The following RGS14 variants were observed in gnomAD, a reference collection of about 807,000 sequenced individuals.
RGS14 encodes the protein regulator of G protein signaling 14, also known as regulator of G-protein signaling 14.
Under a neutral mutation model 63.8 loss-of-function variants are expected in RGS14, and 33 were observed. That is an observed-to-expected ratio of 0.52 (90% CI 0.39 to 0.69). The LOEUF is 0.69. RGS14 is among the 30% of genes least tolerant of loss of function. RGS14 has a pLI of 0.00. For synonymous variants in RGS14, 296 were observed against 320.9 expected (o/e 0.92, Z 0.83); for missense variants, 739 against 742.9 (o/e 0.99, Z 0.06).
At chr5:177,361,668 G>A (rs1761968883) in intron 1 of RGS14, among the ~76,000 whole-genome samples, 1 of 152,144 alleles carries the variant, frequency 6.6e-6, no homozygotes, top group South Asian at 2.1e-4. Flanking sequence ...AAAGATGGAG[G>A]GAGGACATGA....
chr5:177,367,166 G>A, intron 5 of RGS14, 132 bp downstream of exon 5: 2 of 1,267,538 alleles, frequency 1.6e-6, no homozygotes, highest in Non-Finnish European at 2.2e-6. Context: ...CCAAATGCCG[G>A]GGCAGGCAGG....
In RGS14 at chr5:177,358,235, C is replaced by G. The variant is rs566934912; in HGVS notation, c.45+166C>G. 1.3e-5 allele frequency among the ~76,000 whole-genome samples: 2 copies of G among 152,358 alleles called. No homozygotes were observed. Among genetic ancestry groups the G allele is most frequent in the African/African-American group, 4.8e-5 (2 of 41,588 alleles). On this transcript the variant is annotated intron_variant, in intron 1 of 14. Coordinates refer to ENST00000408923, the MANE Select transcript of RGS14 (RefSeq NM_006480.5). The surrounding 1 kb of genome is among the most constrained non-coding windows in gnomAD (Gnocchi z 4.8). Reference sequence around the variant, plus strand: ...GTGGTAGGACCTGGTGCTCTCACCCCTAGACCCTTCCAGATGGCCCAGCCG... The same window carrying G: ...GTGGTAGGACCTGGTGCTCTCACCCGTAGACCCTTCCAGATGGCCCAGCCG...
chr5:177,358,876 C>A lies in RGS14; in HGVS notation c.45+807C>A, dbSNP rs1351382863. ...GTCCTGGCCCACCACCAGGCCCCAG[C>A]CTAGTATCACGGGCCAAAGCCAGTG... On this transcript the variant is annotated intron_variant, in intron 1 of 14. Transcript: ENST00000408923. The surrounding 1 kb of genome is among the most constrained non-coding windows in gnomAD (Gnocchi z 4.8). Among the ~76,000 whole-genome samples the A allele has an allele frequency of 6.6e-6, 1 of 152,228 alleles. No individual in the cohort carries two copies. Among genetic ancestry groups the A allele is most frequent in the Non-Finnish European group, 1.5e-5 (1 of 68,038 alleles).
At chr5:177,365,394 G>A (rs1345924967) in intron 1 of RGS14, among the ~76,000 whole-genome samples, 2 of 151,658 alleles carry the variant, frequency 1.3e-5, no homozygotes, top group African/African-American at 4.8e-5. Context: ...GTAGAGACTG[G>A]GTTTCACCAT....
In RGS14 at chr5:177,371,912, C is replaced by G; in HGVS notation, c.1538C>G (p.Ala513Gly). The G allele has an allele frequency of 6.2e-7, 1 of 1,613,920 alleles. No individual in the cohort carries two copies. Among genetic ancestry groups the G allele is most frequent in the Non-Finnish European group, 8.5e-7 (1 of 1,179,976 alleles). ...ELLNRVQSSG[A>G]HDQRGLLRKE... ...CTGAACCGGGTGCAGAGCAGCGGGG[C>G]CCACGACCAGAGGGGCCTTCTGAGG... Residue 513 changes from alanine to glycine, a missense_variant, in exon 15 of 15, where the codon GCC becomes GGC. Physicochemically the swap from Ala to Gly is moderately conservative, Grantham distance 60. Transcript: ENST00000408923. This position sits in a 1 kb window ranked among gnomAD's most constrained non-coding sequence, Gnocchi z 6.1.
At position 177,366,359 on chromosome 5, in the gene RGS14, A is replaced by AG; in HGVS notation, c.246+5dup. On this transcript the variant is annotated splice_donor_region_variant and intron_variant, in intron 3 of 14. Coordinates refer to ENST00000408923, the MANE Select transcript of RGS14 (RefSeq NM_006480.5). Reference sequence around the variant, plus strand: ...GCTGGGCCTGGCTTACTTCACTGTAAGCCTGGGGTAGGGAAAGGGAAGGGG... The same window carrying AG: ...GCTGGGCCTGGCTTACTTCACTGTAAGGCCTGGGGTAGGGAAAGGGAAGGGG... 2 of 1,538,304 alleles carry AG rather than the reference A, an allele frequency of 1.3e-6. No individual in the cohort carries two copies. Among genetic ancestry groups the AG allele is most frequent in the Non-Finnish European group, 1.8e-6 (2 of 1,139,678 alleles).
chr5:177,367,825 G>T lies in RGS14; in HGVS notation c.739G>T (p.Glu247Ter). Residue 247 changes from glutamate to a stop codon, truncating the protein, a stop_gained and splice_region_variant, in exon 7 of 15, where the codon GAG (glutamate) becomes TAG (stop). Coordinates refer to ENST00000408923, the MANE Select transcript of RGS14 (RefSeq NM_006480.5). LOFTEE classifies it high-confidence loss of function. ...CCCTCTCCGCAAGTCCTTCCGCCGGGGTGAGGGCAGGAGCGAGCAACAGAG... is the reference window on the plus strand; with the variant it reads ...CCCTCTCCGCAAGTCCTTCCGCCGGTGTGAGGGCAGGAGCGAGCAACAGAG... ...GRPLRKSFRR[E>*]LGGTANAALR... The T allele has an allele frequency of 1.3e-6, 2 of 1,588,114 alleles. No individual in the cohort carries two copies. Among genetic ancestry groups the T allele is most frequent in the Non-Finnish European group, 8.6e-7 (1 of 1,167,374 alleles).
chr5:177,367,446 G>C lies in RGS14; in HGVS notation c.516G>C (p.Ala172=). The C allele has an allele frequency of 6.2e-7, 1 of 1,611,526 alleles. No individual in the cohort carries two copies. The highest frequency in any genetic ancestry group is 8.5e-7 in the Non-Finnish European group (1 of 1,178,902). ...ACTTGATGAAGTTCGACAGCTATGCGCGCTTCGTCAAGTCCCCGCTGTACC... is the reference window on the plus strand; with the variant it reads ...ACTTGATGAAGTTCGACAGCTATGCCCGCTTCGTCAAGTCCCCGCTGTACC... ...IFNLMKFDSY[A]RFVKSPLYRE... Residue 172 remains alanine (A), a synonymous_variant, in exon 6 of 15, where the codon GCG becomes GCC. Transcript: ENST00000408923.
At chr5:177,360,676 G>A (rs1430702146) in intron 1 of RGS14, among the ~76,000 whole-genome samples, 2 of 151,944 alleles carry the variant, frequency 1.3e-5, no homozygotes, top group African/African-American at 2.4e-5. Flanking sequence ...CACTTTAGGA[G>A]GCCGAGGCGG....
chr5:177,370,869 C>CCAAA, intron 10 of RGS14, 36 bp from the exon 11 acceptor site: 1 of 1,560,030 alleles, frequency 6.4e-7, no homozygotes, highest in Non-Finnish European at 8.6e-7. Context: ...GGGGGGCCGG[C>CCAAA]CCTCCGGCCC....
chr5:177,370,799 A>T (rs1400382940), intron 10 of RGS14, 106 bp from the exon 11 acceptor site: 2 of 1,339,268 alleles, frequency 1.5e-6, no homozygotes, highest in Non-Finnish European at 2.0e-6. Context: ...CCTACAAGCC[A>T]GTCCCACCTT....
At position 177,368,937 on chromosome 5, in the gene RGS14, G is replaced by A. The variant is rs945671131; in HGVS notation, c.1053+17G>A. Reference sequence around the variant, plus strand: ...AATGAACAGGTGGGAACGTGACCTGGCTCCAACTCTAACCTCCTTCCTGAT... The same window carrying A: ...AATGAACAGGTGGGAACGTGACCTGACTCCAACTCTAACCTCCTTCCTGAT... On this transcript the variant is annotated intron_variant, in intron 9 of 14. Coordinates refer to ENST00000408923, the MANE Select transcript of RGS14 (RefSeq NM_006480.5). The A allele has an allele frequency of 6.2e-7, 1 of 1,611,730 alleles. No individual in the cohort carries two copies. Among genetic ancestry groups the A allele is most frequent in the Non-Finnish European group, 8.5e-7 (1 of 1,177,866 alleles).
rs566940283 is a variant in RGS14, at chr5:177,371,069, C to CGGGGCGGGGCGGGGCGGGGCGGGGCCG, written c.1254+41_1254+42insGCGGGGCGGGGCGGGGCGGGGCCGGGG. ...GCCGCGGGGCGGGGCGGGGCGGGGC[C>CGGGGCGGGGCGGGGCGGGGCGGGGCCG]GGGCCGGGGCCGGGGCCGGGGCCGG... is the stretch of plus-strand genomic sequence containing the variant. On this transcript the variant is annotated intron_variant, in intron 11 of 14. Coordinates refer to ENST00000408923, the MANE Select transcript of RGS14 (RefSeq NM_006480.5). This position sits in a 1 kb window ranked among gnomAD's most constrained non-coding sequence, Gnocchi z 6.1. The CGGGGCGGGGCGGGGCGGGGCGGGGCCG allele has an allele frequency of 3.6e-5, 20 of 552,532 alleles. 1 individual carries two copies. The African/African-American group carries it at 7.1e-4, about 20-fold the overall frequency. 34.2% of individuals were successfully genotyped at this position (552,532 alleles called of 1,614,324 possible).
intron 1 of RGS14, among the ~76,000 whole-genome samples, chr5:177,365,005 C>G (rs1019307229): frequency 3.3e-5 from 5 of 152,306 alleles, no homozygotes; most frequent in African/African-American, 9.6e-5. Context: ...AGAACCACTG[C>G]TCTGTACTAT....
chr5:177,370,548 G>T (rs781178522), intron 9 of RGS14, 43 bp from the exon 10 acceptor site: 6 of 1,576,936 alleles, frequency 3.8e-6, no homozygotes, highest in Non-Finnish European at 4.4e-6. Context: ...ATGGCTGGGG[G>T]TTGGGGGAGG....
At position 177,358,124 on chromosome 5, in the gene RGS14, G is replaced by A; in HGVS notation, c.45+55G>A. Reference sequence around the variant, plus strand: ...AGGAGGGGGTGGGCACACCCAGGGTGGAGCCCAGGAGGCACACCCGGCAGG... The same window carrying A: ...AGGAGGGGGTGGGCACACCCAGGGTAGAGCCCAGGAGGCACACCCGGCAGG... On this transcript the variant is annotated intron_variant, in intron 1 of 14. Coordinates refer to ENST00000408923, the MANE Select transcript of RGS14 (RefSeq NM_006480.5). The surrounding 1 kb of genome is among the most constrained non-coding windows in gnomAD (Gnocchi z 4.8). 4.7e-6 allele frequency: 6 copies of A among 1,267,086 alleles called. No individual in the cohort carries two copies. The highest frequency in any genetic ancestry group is 6.1e-6 in the Non-Finnish European group (6 of 990,494). The allele number at this position is 1,267,086 out of a possible 1,614,324, so 78.5% of individuals were successfully genotyped here. A position where few individuals can be genotyped will look rare whatever the true frequency, so the allele number is the denominator to read the frequency against.
At chr5:177,365,342 A>G (rs915116319) in intron 1 of RGS14, among the ~76,000 whole-genome samples, 2 of 150,532 alleles carry the variant, frequency 1.3e-5, no homozygotes, top group Non-Finnish European at 3.0e-5. Flanking sequence ...ACAGGCATCC[A>G]CAACCACATC....
intron 9 of RGS14, chr5:177,369,191 C>T (rs922051506): frequency 2.6e-5 from 13 of 507,796 alleles, no homozygotes; most frequent in Non-Finnish European, 4.3e-5. Flanking sequence ...GTTTGCCCCT[C>T]ATCATTCCCA....
At position 177,371,086 on chromosome 5, in the gene RGS14, C is replaced by A; in HGVS notation, c.1254+55C>A. On this transcript the variant is annotated intron_variant, in intron 11 of 14. Coordinates refer to ENST00000408923, the MANE Select transcript of RGS14 (RefSeq NM_006480.5). This position sits in a 1 kb window ranked among gnomAD's most constrained non-coding sequence, Gnocchi z 6.1. ...GGCGGGGCCGGGCCGGGGCCGGGGCCGGGGCCGGGGCCGGGGCCGGGGCCG... is the reference window on the plus strand; with the variant it reads ...GGCGGGGCCGGGCCGGGGCCGGGGCAGGGGCCGGGGCCGGGGCCGGGGCCG... 2.5e-6 allele frequency: 1 copy of A among 406,478 alleles called. No homozygotes were observed. The highest frequency in any genetic ancestry group is 1.1e-4 in the South Asian group (1 of 8,818). The allele number at this position is 406,478 out of a possible 1,614,324, so 25.2% of individuals were successfully genotyped here. A position where few individuals can be genotyped will look rare whatever the true frequency, so the allele number is the denominator to read the frequency against.
Sources: allele counts gnomAD v4.1 joint callset (sites outside exome capture counted in the v4.1 genomes callset), GRCh38; gene constraint gnomAD v4.1.1; non-coding constraint Gnocchi (gnomAD v3.1); transcripts MANE v1.5; gene names NCBI Gene and HGNC (gene_info 2026-07-23, HGNC 2026-07-21).